ABCD3: variants seen among roughly 807,000 people sequenced by gnomAD.
The protein encoded by ABCD3 is ATP binding cassette subfamily D member 3.
A neutral mutation model predicts 105.5 loss-of-function variants in ABCD3; 41 were observed. The observed-to-expected ratio is 0.39, with a 90% CI of 0.30 to 0.50. The LOEUF is 0.50. Among genes scored for constraint, ABCD3 ranks in the 20% least tolerant of loss-of-function variants. ABCD3 has a pLI of 0.84. For synonymous variants in ABCD3, 258 were observed against 269.0 expected (o/e 0.96, Z 0.40); for missense variants, 622 against 806.3 (o/e 0.77, Z 2.77).
the ABCD3 span, among the ~76,000 whole-genome samples, chr1:94,394,931 C>A: frequency 6.6e-6 from 1 of 152,240 alleles, no homozygotes; most frequent in South Asian, 2.1e-4. Flanking sequence ...ACCTAAGAGA[C>A]TCTTTTAAAA....
At chr1:94,430,870 A>C (rs1280941226) in intron 1 of ABCD3, among the ~76,000 whole-genome samples, 3 of 152,188 alleles carry the variant, frequency 2.0e-5, no homozygotes, top group Non-Finnish European at 1.5e-5. Context: ...TGCATTATCA[A>C]AGTTAAATAT....
At chr1:94,418,657 C>T in intron 1 of ABCD3, 69 bp downstream of exon 1, 2 of 1,484,416 alleles carry the variant, frequency 1.3e-6, no homozygotes, top group African/African-American at 1.4e-5. Flanking sequence ...TCTCTCTCCC[C>T]ACCCGGCCGA....
the ABCD3 span, among the ~76,000 whole-genome samples, chr1:94,393,222 C>A: frequency 1.3e-5 from 2 of 152,114 alleles, no homozygotes; most frequent in Non-Finnish European, 2.9e-5. Flanking sequence ...TTAGCACAAT[C>A]TCTGGCACAT....
intron 8 of ABCD3, among the ~76,000 whole-genome samples, chr1:94,479,041 A>G (rs1471241219): frequency 2.6e-5 from 4 of 152,186 alleles, no homozygotes; most frequent in Non-Finnish European, 5.9e-5. Context: ...ACATATGTGT[A>G]TGTGTGTATA....
At chr1:94,499,676 G>C in intron 20 of ABCD3, 62 bp downstream of exon 20, 2 of 1,597,410 alleles carry the variant, frequency 1.3e-6, no homozygotes, top group Non-Finnish European at 1.7e-6. Flanking sequence ...TGATTAATCA[G>C]GACACAAAGT....
rs908876410 is a variant in ABCD3, at chr1:94,518,083, A to G, written c.*954A>G. ...GACTGTGATTTTATGTTTAAAAAGT[A>G]TGTTCTAAAATTATTATATATACAT... On this transcript the variant is annotated 3_prime_UTR_variant, in exon 23 of 23. Transcript: ENST00000370214. 2 of 151,900 alleles carry G rather than the reference A, an allele frequency of 1.3e-5. No individual in the cohort carries two copies. Among genetic ancestry groups the G allele is most frequent in the African/African-American group, 4.8e-5 (2 of 41,406 alleles). The allele number at this position is 151,900 out of a possible 1,614,324, so 9.4% of individuals were successfully genotyped here. A position where few individuals can be genotyped will look rare whatever the true frequency, so the allele number is the denominator to read the frequency against.
chr1:94,442,479 T>A (rs1660169218), intron 1 of ABCD3, among the ~76,000 whole-genome samples: 1 of 152,156 alleles, frequency 6.6e-6, no homozygotes, highest in African/African-American at 2.4e-5. Flanking sequence ...ATTAAAAAAA[T>A]GGTTTAAATA....
chr1:94,435,516 G>A (rs1315752296), intron 1 of ABCD3, among the ~76,000 whole-genome samples: 1 of 152,140 alleles, frequency 6.6e-6, no homozygotes, highest in African/African-American at 2.4e-5. Flanking sequence ...GGGCAACAGA[G>A]CAAGATTCTG....
the ABCD3 span, among the ~76,000 whole-genome samples, chr1:94,392,125 T>A: frequency 2.0e-5 from 3 of 152,236 alleles, no homozygotes; most frequent in Admixed American, 2.0e-4. Context: ...TGGTAATTAA[T>A]GCTATTTAAA....
At chr1:94,449,433 A>G (rs1660488359) in intron 1 of ABCD3, among the ~76,000 whole-genome samples, 1 of 152,240 alleles carries the variant, frequency 6.6e-6, no homozygotes, top group African/African-American at 2.4e-5. Context: ...TCCTTCAACA[A>G]TGGCTGACAC....
intron 21 of ABCD3, among the ~76,000 whole-genome samples, chr1:94,512,576 T>G (rs1037791388): frequency 6.6e-6 from 1 of 151,902 alleles, no homozygotes. Flanking sequence ...AACATTAGAG[T>G]TTTTTTATGA....
intron 5 of ABCD3, among the ~76,000 whole-genome samples, 170 bp from the exon 6 acceptor site, chr1:94,474,973 C>T (rs1416992154): frequency 6.6e-6 from 1 of 151,906 alleles, no homozygotes; most frequent in Non-Finnish European, 1.5e-5. Flanking sequence ...AAACGAGGTA[C>T]ATTTGGTTTA....
intron 16 of ABCD3, among the ~76,000 whole-genome samples, chr1:94,494,992 G>T (rs1433776848): frequency 6.6e-6 from 1 of 152,056 alleles, no homozygotes; most frequent in Non-Finnish European, 1.5e-5. Flanking sequence ...GAGGTGGGAG[G>T]ATCGCTTGTG....
At chr1:94,416,450 A>G (rs1659018257), upstream of ABCD3, among the ~76,000 whole-genome samples, 1 of 152,124 alleles carries the variant, frequency 6.6e-6, no homozygotes, top group Non-Finnish European at 1.5e-5. Context: ...CAGCCTCTGG[A>G]GAATATGATC....
chr1:94,457,374 T>C (rs1647627894), intron 1 of ABCD3, among the ~76,000 whole-genome samples: 1 of 152,182 alleles, frequency 6.6e-6, no homozygotes, highest in South Asian at 2.1e-4. Flanking sequence ...AGTTTGGCTT[T>C]TTAGTCTTGT....
Position 94,473,813 on chromosome 1 carries a change from A to G in ABCD3, c.383A>G (p.Asn128Ser), listed in dbSNP as rs757626851. Residue 128 changes from asparagine (N) to serine (S), a missense_variant, in exon 5 of 23, where the codon AAC becomes AGC. Transcript: ENST00000370214. The part of the protein sequence containing the change: ...SRKDFKRYLL[N>S]FIAAMPLISL... ...AAAGATTTCAAGAGATACTTACTCA[A>G]CTTCATCGCTGCCATGCCTCTTGTA... The G allele has an allele frequency of 1.4e-5, 23 of 1,612,836 alleles. No homozygotes were observed. Among genetic ancestry groups the G allele is most frequent in the Admixed American group, 1.7e-5 (1 of 59,886 alleles).
At chr1:94,401,666 A>T in the ABCD3 span, among the ~76,000 whole-genome samples, 2 of 152,218 alleles carry the variant, frequency 1.3e-5, no homozygotes, top group Non-Finnish European at 2.9e-5. Context: ...ATAAGGTTAC[A>T]AGTAAATGGT....
chr1:94,491,288 T>C (rs1443000441), intron 16 of ABCD3, 41 bp downstream of exon 16: 1 of 1,432,886 alleles, frequency 7.0e-7, no homozygotes, highest in Non-Finnish European at 9.8e-7. Context: ...AAATCATCTT[T>C]AAAATGTGAA....
chr1:94,513,604 C>A (rs1394336833), intron 21 of ABCD3: 1 of 151,936 alleles, frequency 6.6e-6, no homozygotes, highest in East Asian at 1.9e-4. Context: ...ATTAAAGAGA[C>A]CTATGATACC....
Sources: gnomAD v4.1 joint callset for allele counts (sites outside exome capture counted in the v4.1 genomes callset) on GRCh38, gnomAD v4.1.1 for gene constraint, MANE v1.5 for transcripts, NCBI Gene and HGNC (gene_info 2026-07-23, HGNC 2026-07-21) for gene names.